ROR1: variants seen among roughly 807,000 people sequenced by gnomAD.
ROR1 encodes the protein inactive tyrosine-protein kinase transmembrane receptor ROR1.
In ROR1, 19 loss-of-function variants were observed where a neutral mutation model predicts 78.8. The observed-to-expected ratio is 0.24, with a 90% confidence interval of 0.17 to 0.35. The LOEUF (loss-of-function observed/expected upper bound fraction) is 0.35, where lower values mean the gene tolerates loss of function less well. Among genes scored for constraint, ROR1 ranks in the 10% least tolerant of loss-of-function variants. The pLI, the probability that ROR1 is intolerant of heterozygous loss-of-function variation, is 1.00. For synonymous variants in ROR1, 386 were observed against 433.6 expected (o/e 0.89, Z 1.36); for missense variants, 917 against 1,177.8 (o/e 0.78, Z 3.24).
intron 1 of ROR1, among the ~76,000 whole-genome samples, chr1:63,939,932 G>A (rs748820852): frequency 1.3e-5 from 2 of 152,112 alleles, no homozygotes; most frequent in African/African-American, 2.4e-5. Context: ...TTCATTCAAC[G>A]GGTTTCTACA....
intron 6 of ROR1, among the ~76,000 whole-genome samples, chr1:64,140,708 A>G (rs1423468520): frequency 2.0e-5 from 3 of 152,220 alleles, no homozygotes; most frequent in Non-Finnish European, 4.4e-5. Flanking sequence ...ATGTAATCAA[A>G]AGAACTGAAA....
chr1:63,894,570 T>C (rs1645424703), intron 1 of ROR1, among the ~76,000 whole-genome samples: 1 of 152,164 alleles, frequency 6.6e-6, no homozygotes, highest in South Asian at 2.1e-4. Context: ...ATACTGATCA[T>C]GTTCAGGATG....
At chr1:63,805,342 T>C (rs1248469551) in intron 1 of ROR1, among the ~76,000 whole-genome samples, 2 of 152,192 alleles carry the variant, frequency 1.3e-5, no homozygotes, top group Non-Finnish European at 2.9e-5. Flanking sequence ...ACCTTGGAGC[T>C]CAGCCTCTGT....
chr1:63,918,558 C>T (rs1177515026), intron 1 of ROR1, among the ~76,000 whole-genome samples: 2 of 152,142 alleles, frequency 1.3e-5, no homozygotes, highest in Admixed American at 6.5e-5. Context: ...CTCTGTGCTC[C>T]CATTTGGGGA....
At chr1:63,791,460 C>G (rs1468272432) in intron 1 of ROR1, among the ~76,000 whole-genome samples, 2 of 152,040 alleles carry the variant, frequency 1.3e-5, no homozygotes, top group African/African-American at 4.8e-5. Context: ...CAAATGAGTT[C>G]ACAAAATTGT....
chr1:64,122,392 T>C lies in ROR1; in HGVS notation c.483-14977T>C, dbSNP rs141728579. ...TCTTCCATCATTTCTGAGGGTATCA[T>C]TGGTTTACCCTCTCAATCCAAATGT... On this transcript the variant is annotated intron_variant, in intron 4 of 8. Transcript: ENST00000371079. Among the ~76,000 whole-genome samples the C allele has an allele frequency of 3.3e-5, 5 of 152,344 alleles. No homozygotes were observed. In the East Asian group the frequency reaches 9.7e-4, roughly 29 times the overall value.
At chr1:63,783,763 A>T (rs1014559087) in intron 1 of ROR1, among the ~76,000 whole-genome samples, 2 of 152,240 alleles carry the variant, frequency 1.3e-5, no homozygotes, top group African/African-American at 4.8e-5. Context: ...TGCACAGCAG[A>T]GCAAGAGTAT....
At chr1:63,820,108 G>A (rs542524359) in intron 1 of ROR1, among the ~76,000 whole-genome samples, 16 of 152,206 alleles carry the variant, frequency 1.1e-4, no homozygotes, top group Non-Finnish European at 1.9e-4. Flanking sequence ...TCAGTAAAAT[G>A]TCATTGATAA....
At position 63,782,319 on chromosome 1, in the gene ROR1, G is replaced by A. The variant is rs552794231; in HGVS notation, c.91+7811G>A. ...TACTAGCCAATTAAATGAAATTGGA[G>A]GTAATTTTTGTCGCTTGTAGGCTTG... On this transcript the variant is annotated intron_variant, in intron 1 of 8. Transcript: ENST00000371079. Among the ~76,000 whole-genome samples the A allele has an allele frequency of 2.6e-5, 4 of 152,240 alleles. No homozygotes were observed. In the East Asian group the frequency reaches 7.7e-4, roughly 29 times the overall value.
At chr1:64,090,368 T>C (rs1195344139) in intron 4 of ROR1, among the ~76,000 whole-genome samples, 1 of 152,158 alleles carries the variant, frequency 6.6e-6, no homozygotes, top group Non-Finnish European at 1.5e-5. Flanking sequence ...GGATGAACAT[T>C]AGTTGATGCA....
intron 1 of ROR1, among the ~76,000 whole-genome samples, chr1:63,923,953 C>G (rs1230003229): frequency 1.3e-5 from 2 of 151,966 alleles, no homozygotes; most frequent in Non-Finnish European, 2.9e-5. Context: ...GTCCCCTTTG[C>G]CTGGAATGCT....
chr1:64,007,130 A>T (rs1227098747), intron 1 of ROR1, among the ~76,000 whole-genome samples: 1 of 152,124 alleles, frequency 6.6e-6, no homozygotes, highest in African/African-American at 2.4e-5. Context: ...TTGAATTGCA[A>T]TTCTTCCACT....
At chr1:64,128,291 C>CAAAA (rs72429774) in intron 4 of ROR1, among the ~76,000 whole-genome samples, 12 of 101,186 alleles carry the variant, frequency 1.2e-4, no homozygotes, top group African/African-American at 2.5e-4. Context: ...CCTGTCTCTA[C>CAAAA]AAAAAAAAAA....
intron 4 of ROR1, among the ~76,000 whole-genome samples, chr1:64,136,923 C>T (rs907809320): frequency 9.2e-5 from 14 of 152,264 alleles, no homozygotes; most frequent in Non-Finnish European, 1.6e-4. Flanking sequence ...CCCAGCTTCT[C>T]ACCCCATGGA....
At chr1:64,098,202 G>T (rs539582444) in intron 4 of ROR1, among the ~76,000 whole-genome samples, 1 of 152,182 alleles carries the variant, frequency 6.6e-6, no homozygotes, top group African/African-American at 2.4e-5. Context: ...TGCTGTGAGT[G>T]AGAAGTGAGG....
chr1:63,796,861 C>T (rs546714989), intron 1 of ROR1, among the ~76,000 whole-genome samples: 111 of 152,228 alleles, frequency 7.3e-4, no homozygotes, highest in African/African-American at 2.6e-3. Context: ...GAGCAGCGGG[C>T]CCCAGCCCAG....
intron 7 of ROR1, among the ~76,000 whole-genome samples, chr1:64,153,739 G>A (rs1185844081): frequency 6.6e-6 from 1 of 152,094 alleles, no homozygotes; most frequent in Admixed American, 6.6e-5. Flanking sequence ...GGTTGTCAGG[G>A]CTGGGGGAAG....
At chr1:63,993,753 T>C (rs1330617579) in intron 1 of ROR1, among the ~76,000 whole-genome samples, 1 of 152,114 alleles carries the variant, frequency 6.6e-6, no homozygotes, top group Non-Finnish European at 1.5e-5. Flanking sequence ...ATAGCCATAA[T>C]TTATTTAGGT....
chr1:63,787,484 GCCTT>G (rs1644697095), intron 1 of ROR1, among the ~76,000 whole-genome samples: 1 of 54,590 alleles, frequency 1.8e-5, no homozygotes, highest in African/African-American at 6.1e-5. Flanking sequence ...CTTCCTTCCT[GCCTT>G]CCTGCCTTCC....
Sources: allele counts gnomAD v4.1 joint callset (sites outside exome capture counted in the v4.1 genomes callset), GRCh38; gene constraint gnomAD v4.1.1; transcripts MANE v1.5; gene names NCBI Gene and HGNC (gene_info 2026-07-23, HGNC 2026-07-21).